Variants in RTTN observed in about 807,000 individuals in gnomAD.
RTTN encodes rotatin.
Under a neutral mutation model 269.2 loss-of-function variants are expected in RTTN, and 182 were observed. That is an observed-to-expected ratio of 0.68 (90% confidence interval 0.60 to 0.76). RTTN has a LOEUF of 0.76. Among genes scored for constraint, RTTN ranks in the 30% least tolerant of loss-of-function variants. The pLI is 0.00. For synonymous variants in RTTN, 1,006 were observed against 963.5 expected, an observed-to-expected ratio of 1.04 and a Z score of -0.82; for missense variants, 2,545 against 2,608.6, an observed-to-expected ratio of 0.98 and a Z score of 0.53.
In RTTN at chr18:70,006,469, A is replaced by C. The variant is rs1246344374; in HGVS notation, c.6437T>G (p.Val2146Gly). 3 of 1,613,698 alleles carry C rather than the reference A, an allele frequency of 1.9e-6. No individual in the cohort carries two copies. Among genetic ancestry groups the C allele is most frequent in the Non-Finnish European group, 2.5e-6 (3 of 1,179,608 alleles). Reference sequence around the variant, plus strand: ...CTCACTTTCCAGACAGGCAGCAAGCACAGTAATGACTTTTTCTAAAAATGA... The same window carrying C: ...CTCACTTTCCAGACAGGCAGCAAGCCCAGTAATGACTTTTTCTAAAAATGA... Reference protein sequence around the residue: ...KILANEKVITVLAACLESENQ... With the variant: ...KILANEKVITGLAACLESENQ... Residue 2146 changes from valine (V) to glycine (G), a missense_variant, in exon 47 of 49, where the codon GTG (valine) becomes GGG (glycine). Transcript: ENST00000640769.
chr18:70,076,840 T>C (rs1261147301), intron 32 of RTTN, among the ~76,000 whole-genome samples: 3 of 151,992 alleles, frequency 2.0e-5, no homozygotes, highest in Non-Finnish European at 4.4e-5. Flanking sequence ...AAGGTATATG[T>C]TACAGGTACT....
intron 5 of RTTN, among the ~76,000 whole-genome samples, chr18:70,198,227 C>A (rs1468746533): frequency 6.6e-6 from 1 of 152,206 alleles, no homozygotes; most frequent in African/African-American, 2.4e-5. Flanking sequence ...CACCTATCAA[C>A]TTCTGCCCAC....
At chr18:70,087,873 G>C in intron 31 of RTTN, 116 bp downstream of exon 31, 1 of 1,075,088 alleles carries the variant, frequency 9.3e-7, no homozygotes, top group Non-Finnish European at 1.3e-6. Flanking sequence ...GGTGTTCACA[G>C]ACAGAAGAGA....
At chr18:70,008,861 T>C (rs2056280785) in intron 46 of RTTN, 1 of 152,112 alleles carries the variant, frequency 6.6e-6, no homozygotes, top group Non-Finnish European at 1.5e-5. Flanking sequence ...GCAAGAGAAC[T>C]TCCCCAACCT....
chr18:70,031,871 C>G (rs1051413676), intron 40 of RTTN, among the ~76,000 whole-genome samples: 2 of 151,988 alleles, frequency 1.3e-5, no homozygotes, highest in African/African-American at 4.8e-5. Context: ...TCGGGGCTAC[C>G]AAGCACCACA....
chr18:70,132,148 T>C (rs2060013844), intron 23 of RTTN, among the ~76,000 whole-genome samples: 1 of 152,056 alleles, frequency 6.6e-6, no homozygotes, highest in African/African-American at 2.4e-5. Context: ...GTTTACAAAC[T>C]AAATTACATG....
Position 70,193,444 on chromosome 18 carries a change from GA to G in RTTN, c.850del (p.Ser284ProfsTer61). 6.6e-7 allele frequency: 1 copy of G among 1,519,162 alleles called. No individual in the cohort carries two copies. Among genetic ancestry groups the G allele is most frequent in the African/African-American group, 1.4e-5 (1 of 69,636 alleles). The allele number at this position is 1,519,162 out of a possible 1,614,324, so 94.1% of individuals were successfully genotyped here. On this transcript the variant is annotated frameshift_variant, in exon 8 of 49. Coordinates refer to ENST00000640769, the MANE Select transcript of RTTN (RefSeq NM_173630.4). LOFTEE classifies it high-confidence loss of function. ...ACAATAAGACAAAGAAGAATTTTGG[GA>G]AACTGTGTCTGGGGAAACAAAGAAA... ...GFFSNKHDTV[S>X]QNSSLSYCHE...
chr18:70,104,787 C>G (rs2059276852), intron 28 of RTTN, among the ~76,000 whole-genome samples: 1 of 152,192 alleles, frequency 6.6e-6, no homozygotes, highest in Non-Finnish European at 1.5e-5. Context: ...GCCTGGGTAT[C>G]ACCAGCGGAG....
chr18:70,066,571 C>A (rs1318606603), intron 34 of RTTN, among the ~76,000 whole-genome samples: 3 of 152,118 alleles, frequency 2.0e-5, no homozygotes, highest in African/African-American at 7.2e-5. Context: ...AACTAAGCAC[C>A]TCTTAGTTGA....
At chr18:70,114,332 A>C in intron 27 of RTTN, 113 bp downstream of exon 27, 1 of 990,670 alleles carries the variant, frequency 1.0e-6, no homozygotes, top group Non-Finnish European at 1.5e-6. Flanking sequence ...TTATTTAAGT[A>C]TTTGAAAGAA....
At chr18:70,165,993 T>G in intron 14 of RTTN, 69 bp downstream of exon 14, 3 of 1,491,620 alleles carry the variant, frequency 2.0e-6, no homozygotes, top group Non-Finnish European at 2.8e-6. Flanking sequence ...TAAATTAAGT[T>G]TGAAGGTATA....
In RTTN at chr18:70,048,092, T is replaced by C. The variant is rs945727924; in HGVS notation, c.5420A>G (p.Lys1807Arg). Residue 1807 changes from lysine (K) to arginine (R), a missense_variant, in exon 40 of 49, where the codon AAA becomes AGA. By Grantham distance (26) the Lys-to-Arg change is conservative. Transcript: ENST00000640769. The stretch of plus-strand genomic sequence containing the variant: ...TTTGCTCTTAGCCTGGAGATGCCCT[T>C]TTGCTTCTTCGGTCAAGAGAACAGA... The part of the protein sequence containing the change: ...FLSVLLTEEA[K>R]GHLQAKSKTH... 7.4e-6 allele frequency: 12 copies of C among 1,614,004 alleles called. No homozygotes were observed. Among genetic ancestry groups the C allele is most frequent in the Non-Finnish European group, 1.0e-5 (12 of 1,180,004 alleles).
chr18:70,201,977 G>T lies in RTTN; in HGVS notation c.404C>A (p.Ser135Ter), dbSNP rs1186367658. 1.9e-6 allele frequency: 3 copies of T among 1,584,306 alleles called. No homozygotes were observed. Among genetic ancestry groups the T allele is most frequent in the Non-Finnish European group, 2.6e-6 (3 of 1,154,452 alleles). The stretch of plus-strand genomic sequence containing the variant: ...TCCTGTTAAGATTTCAGGGTTTTTT[G>T]ACAATTCTGAAAAGGAAATAAACAT... ...ASYQTNQTELSKNPEILTGYF... is the reference protein window; with the variant it reads ...ASYQTNQTEL The change falls in exon 4 of 49, where the codon TCA becomes TAA. Residue 135 changes from serine (S) to a stop codon, truncating the protein, a stop_gained. Coordinates refer to ENST00000640769, the MANE Select transcript of RTTN (RefSeq NM_173630.4). LOFTEE classifies it high-confidence loss of function.
intron 28 of RTTN, among the ~76,000 whole-genome samples, chr18:70,100,990 T>A: frequency 6.6e-6 from 1 of 152,236 alleles, no homozygotes; most frequent in Non-Finnish European, 1.5e-5. Flanking sequence ...AGTATTTTAT[T>A]GAGGATTTTT....
At chr18:70,060,257 T>C (rs950039404) in intron 35 of RTTN, among the ~76,000 whole-genome samples, 13 of 152,120 alleles carry the variant, frequency 8.5e-5, no homozygotes, top group Non-Finnish European at 5.9e-5. Flanking sequence ...TGTAGATGTG[T>C]AGATGTGTAC....
At chr18:70,138,448 T>G (rs1260539137) in intron 21 of RTTN, 1 of 152,200 alleles carries the variant, frequency 6.6e-6, no homozygotes, top group South Asian at 2.1e-4. Context: ...AAATGTGCTT[T>G]TGAATCCAGT....
chr18:70,026,923 C>T (rs1479224774), intron 43 of RTTN, among the ~76,000 whole-genome samples: 1 of 152,192 alleles, frequency 6.6e-6, no homozygotes, highest in African/African-American at 2.4e-5. Flanking sequence ...ACTCTTGAGG[C>T]TAGCACGTGC....
In RTTN at chr18:70,144,605, G is replaced by A. The variant is rs536899523; in HGVS notation, c.2481+1007C>T. ...AGACGTATTAGAATGCCCTCTCCCC[G>A]CCTTCCTCCATACATCAGGGCACAG... On this transcript the variant is annotated intron_variant, in intron 18 of 48. Transcript: ENST00000640769. Among the ~76,000 whole-genome samples, 50 of 152,180 alleles carry A rather than the reference G, an allele frequency of 3.3e-4. 1 individual carries two copies. Among genetic ancestry groups the A allele is most frequent in the African/African-American group, 2.2e-4 (9 of 41,516 alleles).
chr18:70,020,790 C>T lies in RTTN; in HGVS notation c.5978G>A (p.Cys1993Tyr). ...TGTAGCTTGAACAGGGTGTTGTCCA[C>T]AACTTGACCAACAAAGAGAACTGCA... ...NGCSSLCWSS[C>Y]GQHPVQATHR... The change falls in exon 45 of 49, where the codon TGT becomes TAT. Residue 1993 changes from cysteine (C) to tyrosine (Y), a missense_variant. Cys to Tyr is a radical substitution (Grantham distance 194). Coordinates refer to ENST00000640769, the MANE Select transcript of RTTN (RefSeq NM_173630.4). 6.2e-7 allele frequency: 1 copy of T among 1,612,792 alleles called. No homozygotes were observed. Among genetic ancestry groups the T allele is most frequent in the Non-Finnish European group, 8.5e-7 (1 of 1,179,216 alleles).
Sources: allele counts gnomAD v4.1 joint callset (sites outside exome capture counted in the v4.1 genomes callset), GRCh38; gene constraint gnomAD v4.1.1; transcripts MANE v1.5; gene names NCBI Gene and HGNC (gene_info 2026-07-23, HGNC 2026-07-21).